Variants in SUSD4 observed in about 807,000 individuals in gnomAD.
SUSD4 encodes sushi domain containing 4.
A neutral mutation model predicts 50.5 loss-of-function variants in SUSD4; 41 were observed. That is an observed-to-expected ratio of 0.81 (90% CI 0.63 to 1.05). The LOEUF is 1.05. SUSD4 is among the 50% of genes least tolerant of loss of function. The pLI is 0.00. For missense variants in SUSD4, 580 were observed against 634.7 expected (o/e 0.91, Z 0.93); for synonymous variants, 257 against 257.3 (o/e 1.00, Z 0.01).
At chr1:223,343,226 C>T (rs1001029841) in intron 2 of SUSD4, among the ~76,000 whole-genome samples, 4 of 152,184 alleles carry the variant, frequency 2.6e-5, no homozygotes, top group Non-Finnish European at 5.9e-5. Flanking sequence ...TCTATCACCT[C>T]TCCACGCAAA....
chr1:223,242,842 T>C (rs1184513720), intron 5 of SUSD4, among the ~76,000 whole-genome samples: 1 of 152,182 alleles, frequency 6.6e-6, no homozygotes, highest in Non-Finnish European at 1.5e-5. Flanking sequence ...TCCATGACTC[T>C]GGCCCTGCCA....
intron 5 of SUSD4, among the ~76,000 whole-genome samples, chr1:223,234,455 G>A (rs1660083745): frequency 6.6e-6 from 1 of 152,186 alleles, no homozygotes; most frequent in African/African-American, 2.4e-5. Flanking sequence ...TAAACTCTTT[G>A]AGAGCAGGGG....
At position 223,363,543 on chromosome 1, in the gene SUSD4, G is replaced by A. The variant is rs990339654; in HGVS notation, c.-35-83C>T. 9.0e-6 allele frequency: 12 copies of A among 1,334,516 alleles called. No individual in the cohort carries two copies. In the African/African-American group the frequency reaches 1.8e-4, roughly 20 times the overall value. 82.7% of individuals were successfully genotyped at this position (1,334,516 alleles called of 1,614,324 possible). A position where few individuals can be genotyped will look rare whatever the true frequency, so the allele number is the denominator to read the frequency against. ...CTCCCCCTCCTCCGCTCTGGGACCCGGCGCCTCGGCTTCCCAGGCTCCATC... is the reference window on the plus strand; with the variant it reads ...CTCCCCCTCCTCCGCTCTGGGACCCAGCGCCTCGGCTTCCCAGGCTCCATC... On this transcript the variant is annotated intron_variant, in intron 1 of 8. Transcript: ENST00000366878.
At chr1:223,274,011 C>T (rs1305517512) in intron 3 of SUSD4, among the ~76,000 whole-genome samples, 2 of 152,054 alleles carry the variant, frequency 1.3e-5, no homozygotes, top group Non-Finnish European at 2.9e-5. Context: ...TCTCAGGGAG[C>T]CCAGATTTAT....
intron 3 of SUSD4, 136 bp from the exon 4 acceptor site, chr1:223,268,811 A>G (rs1662707421): frequency 1.1e-6 from 1 of 903,368 alleles, no homozygotes; most frequent in African/African-American, 1.7e-5. Flanking sequence ...CTCATTTGTC[A>G]CTAGGCTCAG....
chr1:223,286,367 G>C (rs973852984), intron 3 of SUSD4, among the ~76,000 whole-genome samples: 3 of 151,928 alleles, frequency 2.0e-5, no homozygotes, highest in African/African-American at 7.3e-5. Context: ...CACCTGCCTC[G>C]GCCTCCCAAA....
intron 2 of SUSD4, among the ~76,000 whole-genome samples, chr1:223,361,381 A>G (rs1668968291): frequency 6.6e-6 from 1 of 152,184 alleles, no homozygotes; most frequent in African/African-American, 2.4e-5. Flanking sequence ...TTCCTGCAGC[A>G]TATGAGTGCC....
chr1:223,353,188 G>T (rs910220737), intron 2 of SUSD4, among the ~76,000 whole-genome samples: 7 of 152,088 alleles, frequency 4.6e-5, no homozygotes, highest in Non-Finnish European at 1.0e-4. Flanking sequence ...ATCCCATTTT[G>T]CAGCAAAACA....
At chr1:223,278,037 A>G (rs895153694) in intron 3 of SUSD4, among the ~76,000 whole-genome samples, 1 of 152,094 alleles carries the variant, frequency 6.6e-6, no homozygotes, top group South Asian at 2.1e-4. Flanking sequence ...ACTTTTCCTA[A>G]GTTCTGATGC....
Position 223,231,127 on chromosome 1 carries a change from C to T in SUSD4, c.725-1739G>A, listed in dbSNP as rs770103983. On this transcript the variant is annotated intron_variant, in intron 5 of 8. Transcript: ENST00000366878. This position sits in a 1 kb window ranked among gnomAD's most constrained non-coding sequence, Gnocchi z 4.2. ...GGTGGAACCATGGAGGTCTATCCCGCGGGAACTGGAGCCCGGGGAAACTCA... is the reference window on the plus strand; with the variant it reads ...GGTGGAACCATGGAGGTCTATCCCGTGGGAACTGGAGCCCGGGGAAACTCA... Among the ~76,000 whole-genome samples, 22 of 152,026 alleles carry T rather than the reference C, an allele frequency of 1.4e-4. No individual in the cohort carries two copies. The highest frequency in any genetic ancestry group is 4.4e-4 in the African/African-American group (18 of 41,378).
At chr1:223,350,851 A>G (rs1431592630) in intron 2 of SUSD4, among the ~76,000 whole-genome samples, 3 of 152,196 alleles carry the variant, frequency 2.0e-5, no homozygotes, top group African/African-American at 7.2e-5. Context: ...TCCTTCCCAC[A>G]TTTGTAACTT....
At chr1:223,274,412 T>C (rs1192076733) in intron 3 of SUSD4, among the ~76,000 whole-genome samples, 1 of 152,212 alleles carries the variant, frequency 6.6e-6, no homozygotes, top group Non-Finnish European at 1.5e-5. Context: ...GTCCAGGTTG[T>C]TTCTTTCATA....
At chr1:223,340,842 T>A (rs1667716308) in intron 2 of SUSD4, among the ~76,000 whole-genome samples, 1 of 152,190 alleles carries the variant, frequency 6.6e-6, no homozygotes, top group African/African-American at 2.4e-5. Context: ...AAATCTCTAT[T>A]GTTTCAGAAA....
Position 223,287,390 on chromosome 1 carries a change from T to C in SUSD4, c.361+5049A>G, listed in dbSNP as rs141110813. On this transcript the variant is annotated intron_variant, in intron 3 of 8. Transcript: ENST00000366878. Reference sequence around the variant, plus strand: ...CCGCACCCAGCCCAGAGGTAGCTTTTGAAGGTACATTAAATGTGCGGTTTC... The same window carrying C: ...CCGCACCCAGCCCAGAGGTAGCTTTCGAAGGTACATTAAATGTGCGGTTTC... Among the ~76,000 whole-genome samples, 51 of 152,294 alleles carry C rather than the reference T, an allele frequency of 3.3e-4. No individual in the cohort carries two copies. The East Asian group carries it at 5.2e-3, about 16-fold the overall frequency.
intron 3 of SUSD4, among the ~76,000 whole-genome samples, chr1:223,272,452 C>A (rs565307211): frequency 2.6e-5 from 4 of 152,104 alleles, no homozygotes; most frequent in Admixed American, 2.6e-4. Flanking sequence ...CATATTTATA[C>A]CCAAGTACAA....
intron 2 of SUSD4, among the ~76,000 whole-genome samples, chr1:223,333,419 A>T (rs34698959): frequency 0.092 from 14,023 of 152,100 alleles, 894 homozygotes; most frequent in Non-Finnish European, 0.13. Flanking sequence ...TCAATCAAAA[A>T]TTTTTTCTGA....
chr1:223,312,905 A>T (rs1477158398), intron 2 of SUSD4, among the ~76,000 whole-genome samples: 1 of 152,190 alleles, frequency 6.6e-6, no homozygotes, highest in Non-Finnish European at 1.5e-5. Flanking sequence ...AGTCATGGCA[A>T]CTTGCTGATA....
intron 2 of SUSD4, among the ~76,000 whole-genome samples, chr1:223,317,088 T>G (rs969542908): frequency 6.6e-6 from 1 of 152,112 alleles, no homozygotes; most frequent in Non-Finnish European, 1.5e-5. Flanking sequence ...CATTCCCAGA[T>G]GGTTAAGGCA....
chr1:223,304,950 T>C (rs1179820214), intron 2 of SUSD4, among the ~76,000 whole-genome samples: 1 of 150,310 alleles, frequency 6.7e-6, no homozygotes, highest in Non-Finnish European at 1.5e-5. Flanking sequence ...GCCATGTTAA[T>C]ATCTGAAAAT....
Sources: allele counts gnomAD v4.1 joint callset (sites outside exome capture counted in the v4.1 genomes callset), GRCh38; gene constraint gnomAD v4.1.1; non-coding constraint Gnocchi (gnomAD v3.1); transcripts MANE v1.5; gene names NCBI Gene and HGNC (gene_info 2026-07-23, HGNC 2026-07-21).